FRMD4B: variants seen among roughly 807,000 people sequenced by gnomAD.
The protein encoded by FRMD4B is FERM domain-containing protein 4B.
In FRMD4B, 74 loss-of-function variants were observed where a neutral mutation model predicts 141.5. That is an observed-to-expected ratio of 0.52 (90% CI 0.43 to 0.63). The LOEUF is 0.63. Ranked by LOEUF, FRMD4B falls within the 30% of genes least tolerant of loss-of-function variation. The pLI is 0.00. For missense variants in FRMD4B, 1,366 were observed against 1,253.4 expected (o/e 1.09, Z -1.36); for synonymous variants, 506 against 467.9 (o/e 1.08, Z -1.05).
chr3:69,403,538 AC>A (rs1167208492), intron 2 of FRMD4B, among the ~76,000 whole-genome samples: 1 of 152,120 alleles, frequency 6.6e-6, no homozygotes, highest in African/African-American at 2.4e-5. Flanking sequence ...GGGGAAGCTA[AC>A]CCCATTCCTG....
At chr3:69,366,060 AACAC>A (rs4063529) in intron 1 of FRMD4B, among the ~76,000 whole-genome samples, 43,674 of 126,930 alleles carry the variant, frequency 0.34, 7,608 homozygotes, top group Admixed American at 0.42. Context: ...ACCTCTACAA[AACAC>A]ACACACACAC....
chr3:69,310,577 CACACAGAGAGAGAGAGAGAG>C (rs2107219267), intron 3 of FRMD4B: 2 of 231,666 alleles, frequency 8.6e-6, no homozygotes, highest in South Asian at 2.7e-5. Context: ...CACACACACA[CACACAGAGAGAGAGAGAGAG>C]AGAGAGAGAG....
intron 1 of FRMD4B, among the ~76,000 whole-genome samples, chr3:69,445,542 C>T (rs961775293): frequency 1.3e-5 from 2 of 152,206 alleles, no homozygotes; most frequent in African/African-American, 4.8e-5. Context: ...CATAGACTAA[C>T]ACTTAAACTC....
chr3:69,241,058 A>C (rs970542380), intron 7 of FRMD4B, among the ~76,000 whole-genome samples: 1 of 152,252 alleles, frequency 6.6e-6, no homozygotes, highest in African/African-American at 2.4e-5. Context: ...CAGTGGAGAA[A>C]GAAACTGAGA....
intron 1 of FRMD4B, among the ~76,000 whole-genome samples, chr3:69,523,376 G>C (rs1221734862): frequency 6.6e-6 from 1 of 152,176 alleles, no homozygotes. Flanking sequence ...AGCTGAAATG[G>C]TGGGGAAGGC....
chr3:69,336,851 G>A (rs1297613303), intron 1 of FRMD4B, among the ~76,000 whole-genome samples: 1 of 152,190 alleles, frequency 6.6e-6, no homozygotes, highest in African/African-American at 2.4e-5. Context: ...GGCTGAGGCA[G>A]GAGAATTGCT....
chr3:69,235,584 G>A (rs1175143944), intron 7 of FRMD4B, among the ~76,000 whole-genome samples: 1 of 151,678 alleles, frequency 6.6e-6, no homozygotes, highest in African/African-American at 2.4e-5. Flanking sequence ...GCTTGAGCCT[G>A]GGAGGCGGAG....
At chr3:69,188,632 C>T (rs991279617) in intron 18 of FRMD4B, among the ~76,000 whole-genome samples, 1 of 151,710 alleles carries the variant, frequency 6.6e-6, no homozygotes, top group Non-Finnish European at 1.5e-5. Flanking sequence ...TGGCGGGCGC[C>T]TGTAGTCCCA....
At chr3:69,343,222 G>C (rs575859452) in intron 1 of FRMD4B, among the ~76,000 whole-genome samples, 2 of 152,258 alleles carry the variant, frequency 1.3e-5, no homozygotes, top group South Asian at 4.1e-4. Context: ...CAAAGTGCTG[G>C]AATTGAAGGC....
intron 1 of FRMD4B, among the ~76,000 whole-genome samples, chr3:69,486,162 A>G (rs1706212182): frequency 6.6e-6 from 1 of 152,190 alleles, no homozygotes. Context: ...AAGTCTGGTT[A>G]TTGTTGTTTT....
chr3:69,481,109 C>T (rs1706116002), intron 1 of FRMD4B, among the ~76,000 whole-genome samples: 1 of 152,204 alleles, frequency 6.6e-6, no homozygotes, highest in Non-Finnish European at 1.5e-5. Context: ...CAGGTGCTGT[C>T]TGTCACCCCT....
chr3:69,479,813 G>A (rs1008133336), intron 1 of FRMD4B, among the ~76,000 whole-genome samples: 4 of 152,144 alleles, frequency 2.6e-5, no homozygotes, highest in Admixed American at 6.5e-5. Flanking sequence ...TTCCAACTTG[G>A]TTCCATTCAC....
At chr3:69,196,846 G>A in intron 13 of FRMD4B, 54 bp downstream of exon 13, 1 of 1,408,286 alleles carries the variant, frequency 7.1e-7, no homozygotes, top group Non-Finnish European at 9.9e-7. Flanking sequence ...CTTATCTTCT[G>A]AACAGAATGC....
intron 10 of FRMD4B, 101 bp from the exon 11 acceptor site, chr3:69,216,450 T>C (rs2093142057): frequency 3.5e-6 from 2 of 577,234 alleles, no homozygotes; most frequent in Middle Eastern, 3.5e-4. Flanking sequence ...TTTTTTTTTT[T>C]GAGACGGAGT....
intron 5 of FRMD4B, among the ~76,000 whole-genome samples, chr3:69,263,977 C>A (rs142790591): frequency 1.4e-3 from 208 of 151,752 alleles, no homozygotes; most frequent in Middle Eastern, 3.4e-3. Flanking sequence ...AGGCACACAC[C>A]CCCAAGCCCT....
intron 21 of FRMD4B, among the ~76,000 whole-genome samples, chr3:69,177,749 G>A (rs1022239816): frequency 2.0e-5 from 3 of 152,270 alleles, no homozygotes; most frequent in East Asian, 1.9e-4. Context: ...TCCCATTCAC[G>A]CTATGGTGTT....
rs1450111033 is a variant in FRMD4B, at chr3:69,385,889, T to C, written c.101A>G (p.Glu34Gly). Residue 34 changes from glutamate to glycine, a missense_variant, in exon 1 of 23, where the codon GAG becomes GGG. Glu to Gly is a moderately conservative substitution (Grantham distance 98, BLOSUM62 -2). Transcript: ENST00000398540. ...TVSTLRRWYT[E>G]RLRACHQVLR... ...CACCTGGTGGCAAGCCCGCAGCCTC[T>C]CCGTGTACCATCTCCGCAGCGTGGA... is the stretch of plus-strand genomic sequence containing the variant. The C allele has an allele frequency of 1.9e-6, 3 of 1,602,098 alleles. No individual in the cohort carries two copies. Among genetic ancestry groups the C allele is most frequent in the Non-Finnish European group, 2.6e-6 (3 of 1,175,162 alleles).
chr3:69,364,459 A>G (rs1703577379), intron 1 of FRMD4B, among the ~76,000 whole-genome samples: 1 of 152,242 alleles, frequency 6.6e-6, no homozygotes, highest in South Asian at 2.1e-4. Context: ...CAGCTAAAAA[A>G]TATGACAAAA....
rs768155197 is a variant in FRMD4B at position 69,218,338 on chromosome 3, T to A, written c.773A>T (p.His258Leu). Reference sequence around the variant, plus strand: ...ATTACTTACCTTTACTGCATAATAATGGACACCGTAAGTCGGTAGAGCTTC... The same window carrying A: ...ATTACTTACCTTTACTGCATAATAAAGGACACCGTAAGTCGGTAGAGCTTC... ...IVEALPTYGV[H>L]YYAVKDKQGL... Residue 258 changes from histidine to leucine, a missense_variant, in exon 10 of 23, where the codon CAT becomes CTT. Physicochemically the swap from His to Leu is moderately conservative, Grantham distance 99. Transcript: ENST00000398540. 2.0e-6 allele frequency: 3 copies of A among 1,507,848 alleles called. No homozygotes were observed. In the East Asian group the frequency reaches 6.8e-5, roughly 34 times the overall value. The allele number at this position is 1,507,848 out of a possible 1,614,324, so 93.4% of individuals were successfully genotyped here.
Sources: gnomAD v4.1 joint callset for allele counts (sites outside exome capture counted in the v4.1 genomes callset) on GRCh38, gnomAD v4.1.1 for gene constraint, MANE v1.5 for transcripts, NCBI Gene and HGNC (gene_info 2026-07-23, HGNC 2026-07-21) for gene names.